HMCN1: variants seen among roughly 807,000 people sequenced by gnomAD.
HMCN1 encodes hemicentin-1.
A neutral mutation model predicts 625.9 loss-of-function variants in HMCN1; 321 were observed. The ratio of observed to expected loss-of-function variants is 0.51; its 90% CI spans 0.47 to 0.56. The LOEUF (loss-of-function observed/expected upper bound fraction) is 0.56. Ranked by LOEUF, HMCN1 falls within the 20% of genes least tolerant of loss-of-function variation. The probability of loss-of-function intolerance (pLI) is 0.00; values close to 1 mark genes in which losing one functional copy is unlikely to be tolerated. For missense variants in HMCN1, 6,588 were observed against 6,887.3 expected (o/e 0.96, Z 1.54); for synonymous variants, 2,425 against 2,417.6 (o/e 1.00, Z -0.09).
intron 58 of HMCN1, among the ~76,000 whole-genome samples, 184 bp from the exon 59 acceptor site, chr1:186,087,033 A>G (rs956959709): frequency 6.6e-6 from 1 of 152,132 alleles, no homozygotes; most frequent in African/African-American, 2.4e-5. Flanking sequence ...TTTATAAGGA[A>G]CTAGGTGAAT....
At chr1:186,083,908 A>G (rs1400638848) in intron 57 of HMCN1, among the ~76,000 whole-genome samples, 3 of 152,220 alleles carry the variant, frequency 2.0e-5, no homozygotes, top group Admixed American at 6.6e-5. Flanking sequence ...AAATCTAACC[A>G]GAGCAGGAAC....
intron 15 of HMCN1, among the ~76,000 whole-genome samples, chr1:185,971,552 A>G (rs1385542767): frequency 6.6e-6 from 1 of 152,220 alleles, no homozygotes; most frequent in African/African-American, 2.4e-5. Context: ...CTCTATTTTC[A>G]CTTGTATATG....
rs767388853 is a variant in HMCN1, at chr1:185,990,328, G to A, written c.3262G>A (p.Glu1088Lys). The change falls in exon 22 of 107, where the codon GAG (glutamate) becomes AAG (lysine). Residue 1088 changes from glutamate (E) to lysine (K), a missense_variant. By Grantham distance (56) the Glu-to-Lys change is moderately conservative. Around this residue, in one of 3 missense-constraint regions of HMCN1, gnomAD observed 4,628 missense variants for 4,853.1 expected, o/e 0.95. Coordinates refer to ENST00000271588, the MANE Select transcript of HMCN1 (RefSeq NM_031935.3). ...QRGLSQDKPVEISVLAGEEVT... is the reference protein window; with the variant it reads ...QRGLSQDKPVKISVLAGEEVT... ...AGGACTGTCCCAGGATAAGCCTGTT[G>A]AGATCTCCGTCCTTGCAGGGGAAGA... is the stretch of plus-strand genomic sequence containing the variant. 3 of 1,613,822 alleles carry A rather than the reference G, an allele frequency of 1.9e-6. No individual in the cohort carries two copies. Among genetic ancestry groups the A allele is most frequent in the Non-Finnish European group, 2.5e-6 (3 of 1,179,814 alleles).
chr1:186,168,770 T>A (rs923578956), intron 100 of HMCN1, among the ~76,000 whole-genome samples: 1 of 152,168 alleles, frequency 6.6e-6, no homozygotes, highest in Non-Finnish European at 1.5e-5. Flanking sequence ...GAAGGACTTT[T>A]TTTTTTATTA....
At position 186,153,905 on chromosome 1, in the gene HMCN1, A is replaced by G; in HGVS notation, c.15174A>G (p.Thr5058=). The G allele has an allele frequency of 6.2e-7, 1 of 1,614,148 alleles. No individual in the cohort carries two copies. The highest frequency in any genetic ancestry group is 2.2e-5 in the East Asian group (1 of 44,866). ...AQGRMPFLVE[T]LHASSVESDY... is the part of the protein sequence containing the mutation. ...GAAGAATGCCTTTCTTGGTTGAAAC[A>G]CTTCATGCATCCTCTGTGGAATCTG... Residue 5058 remains threonine, a synonymous_variant, in exon 97 of 107, where the codon ACA becomes ACG. Coordinates refer to ENST00000271588, the MANE Select transcript of HMCN1 (RefSeq NM_031935.3).
chr1:186,151,099 G>T (rs1650633580), intron 93 of HMCN1, 101 bp from the exon 94 acceptor site: 1 of 1,179,558 alleles, frequency 8.5e-7, no homozygotes, highest in Non-Finnish European at 1.2e-6. Flanking sequence ...TGATGTTTGA[G>T]AAAAGATTTG....
chr1:185,800,652 C>T (rs60458315), intron 1 of HMCN1, among the ~76,000 whole-genome samples: 4 of 151,938 alleles, frequency 2.6e-5, no homozygotes, highest in African/African-American at 9.7e-5. Flanking sequence ...TGTTTAACTT[C>T]GTTTGCAAGT....
At position 186,087,261 on chromosome 1, in the gene HMCN1, G is replaced by T. The variant is rs200252994; in HGVS notation, c.9091G>T (p.Gly3031Cys). Reference protein sequence around the residue: ...QIIRAKVSDGGEYTCIAINQA... With the variant: ...QIIRAKVSDGCEYTCIAINQA... ...TATTCGGGCCAAGGTATCAGATGGT[G>T]GTGAATACACTTGTATAGCTATCAA... Residue 3031 changes from glycine (G) to cysteine (C), a missense_variant, in exon 59 of 107, where the codon GGT (glycine) becomes TGT (cysteine). This residue lies in a region of HMCN1 where 4,628 missense variants were observed against 4,853.1 expected (regional missense o/e 0.95). Transcript: ENST00000271588. 1.2e-6 allele frequency: 2 copies of T among 1,613,180 alleles called. No homozygotes were observed. The highest frequency in any genetic ancestry group is 1.7e-6 in the Non-Finnish European group (2 of 1,179,412).
intron 11 of HMCN1, among the ~76,000 whole-genome samples, chr1:185,951,829 T>C (rs1381313218): frequency 2.6e-5 from 4 of 151,802 alleles, no homozygotes; most frequent in Non-Finnish European, 1.5e-5. Flanking sequence ...TGGAAGTTCT[T>C]GTGTGCTGGA....
intron 9 of HMCN1, among the ~76,000 whole-genome samples, chr1:185,928,059 T>C (rs937571321): frequency 6.6e-6 from 1 of 152,184 alleles, no homozygotes; most frequent in African/African-American, 2.4e-5. Flanking sequence ...GAATGATATA[T>C]GGCCTTATAT....
At chr1:185,961,658 A>G (rs934440274) in intron 11 of HMCN1, among the ~76,000 whole-genome samples, 2 of 152,228 alleles carry the variant, frequency 1.3e-5, no homozygotes, top group African/African-American at 4.8e-5. Context: ...TAGATGTAAA[A>G]CATGTAATCT....
intron 103 of HMCN1, among the ~76,000 whole-genome samples, chr1:186,175,919 GAA>G (rs1180630359): frequency 1.2e-4 from 17 of 139,834 alleles, no homozygotes; most frequent in Middle Eastern, 3.8e-3. Context: ...AAGAAAGAAA[GAA>G]AAGAGTTAAA....
chr1:185,753,086 T>C (rs540343956), intron 1 of HMCN1, among the ~76,000 whole-genome samples: 2 of 152,184 alleles, frequency 1.3e-5, no homozygotes, highest in Non-Finnish European at 2.9e-5. Context: ...ATCATCTAAA[T>C]AGTTACATAA....
chr1:185,791,882 A>G (rs1374252024), intron 1 of HMCN1, among the ~76,000 whole-genome samples: 4 of 152,194 alleles, frequency 2.6e-5, no homozygotes, highest in South Asian at 2.1e-4. Flanking sequence ...TGAGCTTGCA[A>G]TAGGTGATTT....
chr1:186,154,183 A>AT (rs1262877352), intron 97 of HMCN1, among the ~76,000 whole-genome samples, 196 bp downstream of exon 97: 1 of 152,210 alleles, frequency 6.6e-6, no homozygotes, highest in Non-Finnish European at 1.5e-5. Flanking sequence ...CTTTACTAAT[A>AT]TACTTCTTCA....
rs368154067 is a variant in HMCN1 at position 186,171,103 on chromosome 1, G to C, written c.15575-234G>C. ...ACTTAAAGTAGAAGAGTGTTTCATT[G>C]ACATAGTTATGTGTCATTAGCAGTT... On this transcript the variant is annotated intron_variant, in intron 100 of 106. Coordinates refer to ENST00000271588, the MANE Select transcript of HMCN1 (RefSeq NM_031935.3). Among the ~76,000 whole-genome samples the C allele has an allele frequency of 2.0e-5, 3 of 152,242 alleles. No homozygotes were observed. The South Asian group carries it at 6.2e-4, about 32-fold the overall frequency.
At chr1:186,106,574 A>G (rs1222653520) in intron 69 of HMCN1, among the ~76,000 whole-genome samples, 1 of 152,222 alleles carries the variant, frequency 6.6e-6, no homozygotes, top group East Asian at 1.9e-4. Flanking sequence ...TCTTCAATGA[A>G]CATTGAGGAT....
At chr1:186,164,240 C>CTTTTTTT (rs57317105) in intron 97 of HMCN1, among the ~76,000 whole-genome samples, 2,697 of 131,368 alleles carry the variant, frequency 0.021, 116 homozygotes, top group African/African-American at 0.046. Context: ...TAACTTAAAT[C>CTTTTTTT]TTTTTTTTTT....
intron 86 of HMCN1, among the ~76,000 whole-genome samples, chr1:186,133,430 C>T (rs1662052318): frequency 6.6e-6 from 1 of 152,116 alleles, no homozygotes; most frequent in Non-Finnish European, 1.5e-5. Context: ...TCAGGAAGCC[C>T]TTCAGTAAGA....
Sources: allele counts gnomAD v4.1 joint callset (sites outside exome capture counted in the v4.1 genomes callset), GRCh38; gene constraint gnomAD v4.1.1; regional missense constraint gnomAD v4.1.1; transcripts MANE v1.5; gene names NCBI Gene and HGNC (gene_info 2026-07-23, HGNC 2026-07-21).